C4orf17: variants seen among roughly 807,000 people sequenced by gnomAD.
The protein encoded by C4orf17 is chromosome 4 open reading frame 17, also known as uncharacterized protein C4orf17.
A neutral mutation model predicts 32.0 loss-of-function variants in C4orf17; 25 were observed. The observed-to-expected ratio is 0.78, with a 90% confidence interval of 0.57 to 1.09. The LOEUF (loss-of-function observed/expected upper bound fraction) is 1.09, where lower values mean the gene tolerates loss of function less well. C4orf17 is among the 50% of genes least tolerant of loss of function. The pLI is 0.00. For synonymous variants in C4orf17, 149 were observed against 145.8 expected, an observed-to-expected ratio of 1.02 and a Z score of -0.16; for missense variants, 420 against 420.0, an observed-to-expected ratio of 1.00 and a Z score of 0.00.
chr4:99,531,766 T>C (rs983983073), intron 5 of C4orf17, among the ~76,000 whole-genome samples: 11 of 152,144 alleles, frequency 7.2e-5, no homozygotes, highest in Admixed American at 3.3e-4. Flanking sequence ...AGTGATAAAG[T>C]AGGTTTTATC....
At chr4:99,531,224 A>G (rs886331278) in intron 5 of C4orf17, among the ~76,000 whole-genome samples, 1 of 152,010 alleles carries the variant, frequency 6.6e-6, no homozygotes, top group African/African-American at 2.4e-5. Flanking sequence ...AATTTAAATC[A>G]TATAAGATCT....
In C4orf17 at chr4:99,541,893, T is replaced by A; in HGVS notation, c.881-17T>A. 1 of 1,589,518 alleles carries A rather than the reference T, an allele frequency of 6.3e-7. No homozygotes were observed. The highest frequency in any genetic ancestry group is 1.1e-5 in the South Asian group (1 of 88,784). On this transcript the variant is annotated splice_polypyrimidine_tract_variant and intron_variant, in intron 8 of 8. Coordinates refer to ENST00000326581, the MANE Select transcript of C4orf17 (RefSeq NM_032149.3). The stretch of plus-strand genomic sequence containing the variant: ...GTCTCAATTATGGTCTTATTTAGAT[T>A]TTTTTCTCTATTTCAGAGGCTGAGC...
chr4:99,541,886 T>C (rs1270630656), intron 8 of C4orf17, 24 bp from the exon 9 acceptor site: 1 of 1,558,120 alleles, frequency 6.4e-7, no homozygotes, highest in Non-Finnish European at 8.8e-7. Flanking sequence ...TATGGTCTTA[T>C]TTAGATTTTT....
Position 99,512,990 on chromosome 4 carries a change from G to A in C4orf17, c.-92G>A. 3.0e-6 allele frequency: 4 copies of A among 1,338,014 alleles called. No individual in the cohort carries two copies. The Middle Eastern group carries it at 5.7e-4, about 189-fold the overall frequency. 82.9% of individuals were successfully genotyped at this position (1,338,014 alleles called of 1,614,324 possible). A position where few individuals can be genotyped will look rare whatever the true frequency, so the allele number is the denominator to read the frequency against. ...ATGTTTGTCATTTTGTGATTTCAGG[G>A]TCTGAGCACATCTGGAAGTGAGGTC... is the stretch of plus-strand genomic sequence containing the variant. On this transcript the variant is annotated splice_region_variant and 5_prime_UTR_variant, in exon 2 of 9. Transcript: ENST00000326581.
rs564953767 is a variant in C4orf17 at position 99,525,154 on chromosome 4, G to C, written c.402+569G>C. 9.9e-5 allele frequency among the ~76,000 whole-genome samples: 15 copies of C among 152,234 alleles called. No homozygotes were observed. The South Asian group carries it at 2.9e-3, about 29-fold the overall frequency. ...TAGGAACATTTGTCTACAAGTCTTT[G>C]GATATATACTTTCTTTTCTCCTGGA... On this transcript the variant is annotated intron_variant, in intron 4 of 8. Coordinates refer to ENST00000326581, the MANE Select transcript of C4orf17 (RefSeq NM_032149.3).
chr4:99,523,687 A>G (rs1723335223), intron 3 of C4orf17, among the ~76,000 whole-genome samples: 1 of 152,212 alleles, frequency 6.6e-6, no homozygotes, highest in African/African-American at 2.4e-5. Flanking sequence ...CAGATGTGGG[A>G]AAAAGTCATC....
At chr4:99,516,920 G>C (rs1320859691) in intron 2 of C4orf17, among the ~76,000 whole-genome samples, 1 of 152,186 alleles carries the variant, frequency 6.6e-6, no homozygotes, top group African/African-American at 2.4e-5. Flanking sequence ...GCTTGCTAAG[G>C]TTGCCACTAT....
intron 4 of C4orf17, among the ~76,000 whole-genome samples, chr4:99,526,782 T>A (rs1030809581): frequency 7.2e-5 from 11 of 152,204 alleles, no homozygotes; most frequent in African/African-American, 1.9e-4. Flanking sequence ...TAAAGTTTTT[T>A]AAAATATTCC....
chr4:99,536,156 G>T (rs1240581562), intron 5 of C4orf17: 1 of 282,078 alleles, frequency 3.5e-6, no homozygotes, highest in Non-Finnish European at 7.0e-6. Context: ...TCCTATAGGA[G>T]GTGTGTAGAG....
chr4:99,531,688 C>T (rs1290355865), intron 5 of C4orf17, among the ~76,000 whole-genome samples: 1 of 152,132 alleles, frequency 6.6e-6, no homozygotes, highest in African/African-American at 2.4e-5. Context: ...TTAACTGGCA[C>T]ACAGACAATG....
At chr4:99,525,449 G>A (rs1723371193) in intron 4 of C4orf17, among the ~76,000 whole-genome samples, 1 of 152,086 alleles carries the variant, frequency 6.6e-6, no homozygotes, top group Non-Finnish European at 1.5e-5. Flanking sequence ...TACTTGCCAT[G>A]TATATATCTT....
Position 99,537,621 on chromosome 4 carries a change from C to G in C4orf17, c.547-48C>G, listed in dbSNP as rs76328281. 1.2e-3 allele frequency: 1,615 copies of G among 1,318,010 alleles called. 1 individual carries two copies. The highest frequency in any genetic ancestry group is 1.5e-3 in the Non-Finnish European group (1,360 of 916,230). The allele number at this position is 1,318,010 out of a possible 1,614,324, so 81.6% of individuals were successfully genotyped here. A position where few individuals can be genotyped will look rare whatever the true frequency, so the allele number is the denominator to read the frequency against. ...GAGAAGGTAAAGGAAAACTGATAAG[C>G]CTTGTACTATTTATTTGCTCATATG... is the stretch of plus-strand genomic sequence containing the variant. On this transcript the variant is annotated intron_variant, in intron 5 of 8. Coordinates refer to ENST00000326581, the MANE Select transcript of C4orf17 (RefSeq NM_032149.3).
At chr4:99,515,262 C>T (rs2718685) in intron 2 of C4orf17, among the ~76,000 whole-genome samples, 2 of 151,884 alleles carry the variant, frequency 1.3e-5, no homozygotes, top group Non-Finnish European at 2.9e-5. Flanking sequence ...TTCACTGCAG[C>T]GCTATTCACA....
chr4:99,539,271 C>T lies in C4orf17; in HGVS notation c.737C>T (p.Pro246Leu), dbSNP rs376479523. ...GAACCAGCAGCAGAGACTGGGAAGCCACCCACAGTTAAATCACCACCCACA... is the reference window on the plus strand; with the variant it reads ...GAACCAGCAGCAGAGACTGGGAAGCTACCCACAGTTAAATCACCACCCACA... ...SMEPAAETGK[P>L]PTVKSPPTVK... The change falls in exon 7 of 9, where the codon CCA (proline) becomes CTA (leucine). Residue 246 changes from proline to leucine, a missense_variant. Transcript: ENST00000326581. 1.2e-6 allele frequency: 2 copies of T among 1,614,042 alleles called. No individual in the cohort carries two copies. The highest frequency in any genetic ancestry group is 1.7e-6 in the Non-Finnish European group (2 of 1,179,932).
chr4:99,526,665 T>A (rs933550051), intron 4 of C4orf17, among the ~76,000 whole-genome samples: 66 of 151,236 alleles, frequency 4.4e-4, no homozygotes, highest in African/African-American at 1.6e-3. Flanking sequence ...TTTTTTTTTT[T>A]ATAGCTATAG....
At chr4:99,535,562 C>T (rs1235890213) in intron 5 of C4orf17, among the ~76,000 whole-genome samples, 1 of 152,082 alleles carries the variant, frequency 6.6e-6, no homozygotes, top group Non-Finnish European at 1.5e-5. Flanking sequence ...TTGTAAAGTT[C>T]TTGTGTTTTT....
intron 5 of C4orf17, among the ~76,000 whole-genome samples, chr4:99,530,738 A>T (rs1268041869): frequency 1.3e-5 from 2 of 152,160 alleles, no homozygotes; most frequent in Admixed American, 6.6e-5. Flanking sequence ...AGTAGAGCAC[A>T]GAGTATGATA....
chr4:99,515,653 G>A (rs918006673), intron 2 of C4orf17, among the ~76,000 whole-genome samples: 1 of 151,920 alleles, frequency 6.6e-6, no homozygotes, highest in Non-Finnish European at 1.5e-5. Context: ...CATGACACAA[G>A]TGTACCTATC....
intron 4 of C4orf17, among the ~76,000 whole-genome samples, chr4:99,526,964 T>A (rs7689584): frequency 1.3e-5 from 2 of 151,776 alleles, no homozygotes; most frequent in Non-Finnish European, 2.9e-5. Context: ...TGACTTTGGC[T>A]CCTATCTTTA....
Sources: gnomAD v4.1 joint callset for allele counts (sites outside exome capture counted in the v4.1 genomes callset) on GRCh38, gnomAD v4.1.1 for gene constraint, MANE v1.5 for transcripts, NCBI Gene and HGNC (gene_info 2026-07-23, HGNC 2026-07-21) for gene names.